RPA1: variants seen among roughly 807,000 people sequenced by gnomAD.
RPA1 encodes replication protein A1.
In RPA1, 49 loss-of-function variants were observed where a neutral mutation model predicts 83.0. The ratio of observed to expected loss-of-function variants is 0.59; its 90% confidence interval spans 0.47 to 0.75. The LOEUF (loss-of-function observed/expected upper bound fraction) is 0.75, where lower values mean the gene tolerates loss of function less well. Ranked by LOEUF, RPA1 falls within the 30% of genes least tolerant of loss-of-function variation. The probability of loss-of-function intolerance (pLI) is 0.00; values close to 1 mark genes in which losing one functional copy is unlikely to be tolerated. For missense variants in RPA1, 693 were observed against 776.1 expected, an observed-to-expected ratio of 0.89 and a Z score of 1.27; for synonymous variants, 279 against 281.8, an observed-to-expected ratio of 0.99 and a Z score of 0.10.
At chr17:1,844,487 G>A (rs1243781086) in intron 3 of RPA1, 91 bp from the exon 4 acceptor site, 5 of 883,982 alleles carry the variant, frequency 5.7e-6, no homozygotes, top group African/African-American at 1.7e-5. Flanking sequence ...CATATGTAAG[G>A]CATTTTTCTT....
In RPA1 at chr17:1,842,785, C is replaced by A; in HGVS notation, c.34-18C>A. On this transcript the variant is annotated intron_variant, in intron 1 of 16. Transcript: ENST00000254719. Reference sequence around the variant, plus strand: ...ATTTGAGTGCGTATCTCACACAAACCTGTTTTTACTCCCTCAGGCCATCAT... The same window carrying A: ...ATTTGAGTGCGTATCTCACACAAACATGTTTTTACTCCCTCAGGCCATCAT... 1 of 1,612,966 alleles carries A rather than the reference C, an allele frequency of 6.2e-7. No homozygotes were observed. Among genetic ancestry groups the A allele is most frequent in the South Asian group, 1.1e-5 (1 of 91,040 alleles).
chr17:1,869,253 T>G (rs1913291412), intron 5 of RPA1, among the ~76,000 whole-genome samples: 1 of 152,158 alleles, frequency 6.6e-6, no homozygotes, highest in Admixed American at 6.5e-5. Flanking sequence ...ATATCCTGTT[T>G]CGGCCGGGCA....
chr17:1,880,444 C>T (rs1891328106), intron 11 of RPA1, 99 bp from the exon 12 acceptor site: 10 of 1,283,570 alleles, frequency 7.8e-6, no homozygotes, highest in South Asian at 2.6e-5. Context: ...ACGCTGATTA[C>T]ATTCACTCTA....
At chr17:1,872,321 G>A in intron 5 of RPA1, 113 bp from the exon 6 acceptor site, 1 of 1,468,962 alleles carries the variant, frequency 6.8e-7, no homozygotes. Flanking sequence ...ATCCATGGGA[G>A]TCTTTGACAA....
rs556414801 is a variant in RPA1 at position 1,895,052 on chromosome 17, G to A, written c.1703G>A (p.Arg568Gln). ...GAAGTTTTCCAGAATGCCAACTTCC[G>A]ATCTTTCATATTCAGAGTCAGGGTC... ...FEEVFQNANF[R>Q]SFIFRVRVKV... Residue 568 changes from arginine (R) to glutamine (Q), a missense_variant, in exon 16 of 17, where the codon CGA (arginine) becomes CAA (glutamine). Arg to Gln is a conservative substitution (Grantham distance 43). Transcript: ENST00000254719. 21 of 1,613,580 alleles carry A rather than the reference G, an allele frequency of 1.3e-5. No individual in the cohort carries two copies. The highest frequency in any genetic ancestry group is 6.7e-5 in the East Asian group (3 of 44,820).
At position 1,897,083 on chromosome 17, in the gene RPA1, A is replaced by G. The variant is rs1400604913; in HGVS notation, c.1759A>G (p.Ile587Val). ...KVETYNDESR[I>V]KATVMDVKPV... ...TCCCTTTTTGAAGGACGAGTCTCGAATTAAGGCCACTGTGATGGACGTGAA... is the reference window on the plus strand; with the variant it reads ...TCCCTTTTTGAAGGACGAGTCTCGAGTTAAGGCCACTGTGATGGACGTGAA... Residue 587 changes from isoleucine (I) to valine (V), a missense_variant, in exon 17 of 17, where the codon ATT (isoleucine) becomes GTT (valine). By Grantham distance (29) the Ile-to-Val change is conservative (BLOSUM62 3). Transcript: ENST00000254719. The G allele has an allele frequency of 1.9e-6, 3 of 1,571,896 alleles. No individual in the cohort carries two copies. Among genetic ancestry groups the G allele is most frequent in the Admixed American group, 3.7e-5 (2 of 53,720 alleles).
rs916030640 is a variant in RPA1, at chr17:1,842,853, C to T, written c.84C>T (p.Ile28=). The T allele has an allele frequency of 6.8e-6, 11 of 1,613,764 alleles. No individual in the cohort carries two copies. Among genetic ancestry groups the T allele is most frequent in the African/African-American group, 5.3e-5 (4 of 74,918 alleles). The change falls in exon 2 of 17, where the codon ATC becomes ATT. Residue 28 remains isoleucine, a splice_region_variant and synonymous_variant. Coordinates refer to ENST00000254719, the MANE Select transcript of RPA1 (RefSeq NM_002945.5). ...DTNIKPILQV[I]NIRPITTGNS... Reference sequence around the variant, plus strand: ...ACATAAAGCCCATCCTCCAAGTCATCGTAAGTACCTGCGTATGTTATGTTC... The same window carrying T: ...ACATAAAGCCCATCCTCCAAGTCATTGTAAGTACCTGCGTATGTTATGTTC...
chr17:1,863,474 A>G (rs748654064), intron 5 of RPA1, among the ~76,000 whole-genome samples: 14 of 151,940 alleles, frequency 9.2e-5, no homozygotes, highest in Non-Finnish European at 2.1e-4. Context: ...TGGCCTCCCA[A>G]AGTGTTGGGA....
At chr17:1,852,975 TTATG>T (rs1411227930) in intron 4 of RPA1, 122 bp from the exon 5 acceptor site, 3 of 714,604 alleles carry the variant, frequency 4.2e-6, no homozygotes, top group Admixed American at 4.9e-5. Context: ...AGAGAAATAT[TTATG>T]TAAACAGATG....
At chr17:1,891,081 G>C (rs1391398958) in intron 14 of RPA1, among the ~76,000 whole-genome samples, 2 of 152,166 alleles carry the variant, frequency 1.3e-5, no homozygotes, top group East Asian at 3.8e-4. Context: ...GCAAAATGAA[G>C]ATGTAAAATC....
chr17:1,892,092 C>A, intron 15 of RPA1, 152 bp downstream of exon 15: 1 of 446,654 alleles, frequency 2.2e-6, no homozygotes, highest in Non-Finnish European at 3.9e-6. Context: ...CCGCAGTCTC[C>A]GCCTCCCGGG....
At chr17:1,879,443 C>CT in intron 10 of RPA1, 36 bp downstream of exon 10, 1 of 1,611,530 alleles carries the variant, frequency 6.2e-7, no homozygotes, top group Non-Finnish European at 8.5e-7. Context: ...GCAGGGATGA[C>CT]TAGCTTTCTT....
At chr17:1,882,456 A>G (rs1597453912) in intron 12 of RPA1, among the ~76,000 whole-genome samples, 1 of 151,910 alleles carries the variant, frequency 6.6e-6, no homozygotes, top group South Asian at 2.1e-4. Context: ...GGAGTTCAAG[A>G]CCAGCCTGGC....
intron 1 of RPA1, among the ~76,000 whole-genome samples, chr17:1,836,224 G>C (rs1911816577): frequency 6.6e-6 from 1 of 151,676 alleles, no homozygotes; most frequent in Admixed American, 6.6e-5. Context: ...CAGTTCTCAT[G>C]CCTCAGTCTC....
chr17:1,892,563 G>A (rs960229712), intron 15 of RPA1, among the ~76,000 whole-genome samples: 8 of 152,146 alleles, frequency 5.3e-5, no homozygotes, highest in African/African-American at 9.7e-5. Flanking sequence ...GACTTAGGTC[G>A]GGAGGTGTCC....
At chr17:1,856,140 A>G (rs1188921840) in intron 5 of RPA1, among the ~76,000 whole-genome samples, 2 of 152,128 alleles carry the variant, frequency 1.3e-5, no homozygotes, top group Non-Finnish European at 2.9e-5. Flanking sequence ...CCTGCGCAAC[A>G]TGATAAAACC....
intron 15 of RPA1, among the ~76,000 whole-genome samples, chr17:1,893,402 A>G (rs954674432): frequency 1.3e-5 from 2 of 152,192 alleles, no homozygotes; most frequent in Non-Finnish European, 2.9e-5. Flanking sequence ...AATTTTCTCA[A>G]GCTTTAACCC....
At chr17:1,895,738 AG>A (rs1216183427) in intron 16 of RPA1, among the ~76,000 whole-genome samples, 2 of 151,298 alleles carry the variant, frequency 1.3e-5, no homozygotes, top group African/African-American at 2.4e-5. Flanking sequence ...GCTGGAGTGC[AG>A]TGGGACGATC....
rs947083936 is a variant in RPA1, at chr17:1,853,282, G to C, written c.361+93G>C. 3 of 963,518 alleles carry C rather than the reference G, an allele frequency of 3.1e-6. No individual in the cohort carries two copies. The African/African-American group carries it at 4.9e-5, about 16-fold the overall frequency. The allele number at this position is 963,518 out of a possible 1,614,324, so 59.7% of individuals were successfully genotyped here. A position where few individuals can be genotyped will look rare whatever the true frequency, so the allele number is the denominator to read the frequency against. On this transcript the variant is annotated intron_variant, in intron 5 of 16. Transcript: ENST00000254719. Reference sequence around the variant, plus strand: ...TTTGGATTCAGTTTGACTTGTTAGTGTTAATAAAATGATAGTGATTCTGAG... The same window carrying C: ...TTTGGATTCAGTTTGACTTGTTAGTCTTAATAAAATGATAGTGATTCTGAG...
Sources: allele counts gnomAD v4.1 joint callset (sites outside exome capture counted in the v4.1 genomes callset), GRCh38; gene constraint gnomAD v4.1.1; transcripts MANE v1.5; gene names NCBI Gene and HGNC (gene_info 2026-07-23, HGNC 2026-07-21).